The following RTN4 variants were observed in gnomAD, a reference collection of about 807,000 sequenced individuals.
RTN4 encodes the protein reticulon 4.
Under a neutral mutation model 90.4 loss-of-function variants are expected in RTN4, and 32 were observed. The ratio of observed to expected loss-of-function variants is 0.35; its 90% CI spans 0.27 to 0.48. The LOEUF (loss-of-function observed/expected upper bound fraction) is 0.48, where lower values mean the gene tolerates loss of function less well. Ranked by LOEUF, RTN4 falls within the 20% of genes least tolerant of loss-of-function variation. The probability of loss-of-function intolerance (pLI) is 0.99; values close to 1 mark genes in which losing one functional copy is unlikely to be tolerated. For synonymous variants in RTN4, 629 were observed against 552.5 expected (o/e 1.14, Z -1.94); for missense variants, 1,706 against 1,430.2 (o/e 1.19, Z -3.11).
intron 1 of RTN4, among the ~76,000 whole-genome samples, chr2:55,032,607 AAAC>A (rs1682397232): frequency 1.3e-5 from 2 of 152,220 alleles, no homozygotes; most frequent in Non-Finnish European, 1.5e-5. Flanking sequence ...CAAACTTAAA[AAAC>A]AACAACAGAA....
At chr2:55,038,426 A>AG (rs1435730086) in intron 1 of RTN4, among the ~76,000 whole-genome samples, 1 of 152,192 alleles carries the variant, frequency 6.6e-6, no homozygotes, top group Non-Finnish European at 1.5e-5. Flanking sequence ...ACAAATATGT[A>AG]GGAAAAAAAA....
At chr2:55,096,375 T>C (rs1669035206) in intron 1 of RTN4, among the ~76,000 whole-genome samples, 1 of 152,010 alleles carries the variant, frequency 6.6e-6, no homozygotes, top group Non-Finnish European at 1.5e-5. Context: ...TCACTGCTGA[T>C]GCTGACCTTG....
At chr2:55,105,227 G>GTTTTTTT (rs869164590) in intron 1 of RTN4, among the ~76,000 whole-genome samples, 1 of 114,044 alleles carries the variant, frequency 8.8e-6, no homozygotes, top group Admixed American at 8.9e-5. Flanking sequence ...TGCTATTGAA[G>GTTTTTTT]TTTTTTTTTT....
chr2:55,092,915 A>T (rs1235833470), intron 1 of RTN4, among the ~76,000 whole-genome samples: 2 of 152,252 alleles, frequency 1.3e-5, no homozygotes, highest in African/African-American at 4.8e-5. Context: ...TTCTTCACAG[A>T]CATTTTCCCA....
Position 55,027,328 on chromosome 2 carries a change from T to C in RTN4, c.771A>G (p.Thr257=), listed in dbSNP as rs551190916. ...KEHEYLGNLS[T]VLPTEGTLQE... Reference sequence around the variant, plus strand: ...GAAGTGTTCCTTCAGTGGGTAATACTGTTGACAAATTACCAAGGTATTCAT... The same window carrying C: ...GAAGTGTTCCTTCAGTGGGTAATACCGTTGACAAATTACCAAGGTATTCAT... Residue 257 remains threonine, a synonymous_variant, in exon 3 of 9, where the codon ACA becomes ACG. Coordinates refer to ENST00000337526, the MANE Select transcript of RTN4 (RefSeq NM_020532.5). 8.1e-6 allele frequency: 13 copies of C among 1,613,626 alleles called. No individual in the cohort carries two copies. Among genetic ancestry groups the C allele is most frequent in the Admixed American group, 3.3e-5 (2 of 59,936 alleles).
At chr2:55,021,878 A>G (rs1458119020) in intron 3 of RTN4, among the ~76,000 whole-genome samples, 3 of 152,186 alleles carry the variant, frequency 2.0e-5, no homozygotes, top group Non-Finnish European at 4.4e-5. Context: ...ATAATTCTCT[A>G]TTCCCTAGTA....
chr2:55,123,122 T>A, the RTN4 span, among the ~76,000 whole-genome samples: 1 of 152,150 alleles, frequency 6.6e-6, no homozygotes, highest in Non-Finnish European at 1.5e-5. Flanking sequence ...ATAAGCCAAT[T>A]ATTAACCACA....
In RTN4 at chr2:55,050,079, G is replaced by A. The variant is rs372904575; in HGVS notation, c.222C>T (p.Ala74=). Residue 74 remains alanine, a synonymous_variant, in exon 1 of 9, where the codon GCC becomes GCT. Coordinates refer to ENST00000337526, the MANE Select transcript of RTN4 (RefSeq NM_020532.5). This position sits in a 1 kb window ranked among gnomAD's most constrained non-coding sequence, Gnocchi z 4.6. ...SAAPVPTAPA[A]GAPLMDFGND... ...TTCCGAAGTCCATCAGGGGCGCGCC[G>A]GCGGCAGGGGCGGTGGGCACTGGGG... The A allele has an allele frequency of 6.2e-5, 90 of 1,453,606 alleles. No homozygotes were observed. Among genetic ancestry groups the A allele is most frequent in the Non-Finnish European group, 7.8e-5 (86 of 1,108,478 alleles). The allele number at this position is 1,453,606 out of a possible 1,614,324, so 90.0% of individuals were successfully genotyped here.
intron 1 of RTN4, among the ~76,000 whole-genome samples, chr2:55,101,028 T>A (rs1266394094): frequency 6.6e-6 from 1 of 152,062 alleles, no homozygotes; most frequent in Non-Finnish European, 1.5e-5. Flanking sequence ...TAATAGAAAC[T>A]ATTAAGCCAC....
Position 54,973,131 on chromosome 2 carries a change from C to G in RTN4, c.*25G>C, listed in dbSNP as rs755099282. 3.8e-6 allele frequency: 6 copies of G among 1,591,966 alleles called. No individual in the cohort carries two copies. Among genetic ancestry groups the G allele is most frequent in the Non-Finnish European group, 5.2e-6 (6 of 1,161,782 alleles). Reference sequence around the variant, plus strand: ...AATGAATATCCCCTTTAAAGATGAACTCCTACTAATTATTTTGGGCGTTTT... The same window carrying G: ...AATGAATATCCCCTTTAAAGATGAAGTCCTACTAATTATTTTGGGCGTTTT... On this transcript the variant is annotated 3_prime_UTR_variant, in exon 9 of 9. Coordinates refer to ENST00000337526, the MANE Select transcript of RTN4 (RefSeq NM_020532.5).
At chr2:55,086,843 G>A (rs932957806) in intron 1 of RTN4, among the ~76,000 whole-genome samples, 1 of 60,184 alleles carries the variant, frequency 1.7e-5, no homozygotes, top group Non-Finnish European at 3.5e-5. Flanking sequence ...TTTTTTTTTT[G>A]TAGACGATTT....
At chr2:55,024,601 G>C (rs528428356) in intron 3 of RTN4, among the ~76,000 whole-genome samples, 11 of 152,076 alleles carry the variant, frequency 7.2e-5, no homozygotes, top group Non-Finnish European at 1.6e-4. Flanking sequence ...TCAACAAAAT[G>C]TCTACACTCA....
At chr2:54,973,785 C>T in intron 7 of RTN4, 36 bp downstream of exon 7, 1 of 1,592,880 alleles carries the variant, frequency 6.3e-7, no homozygotes, top group Middle Eastern at 1.7e-4. Context: ...AGAGTGAGTG[C>T]TCTATTCTGA....
chr2:55,085,770 C>A (rs1668825949), intron 1 of RTN4, among the ~76,000 whole-genome samples: 1 of 152,168 alleles, frequency 6.6e-6, no homozygotes, highest in African/African-American at 2.4e-5. Context: ...CTTTGATAAA[C>A]ATTATTGAAG....
upstream of RTN4, among the ~76,000 whole-genome samples, chr2:55,054,420 C>T (rs925297815): frequency 6.6e-6 from 1 of 152,240 alleles, no homozygotes; most frequent in African/African-American, 2.4e-5. Flanking sequence ...CAGACACAAA[C>T]GTGCTTGCAT....
chr2:55,128,689 T>C, the RTN4 span, among the ~76,000 whole-genome samples: 1 of 151,274 alleles, frequency 6.6e-6, no homozygotes, highest in Non-Finnish European at 1.5e-5. Flanking sequence ...ATGAAAGATA[T>C]AGGCAAAGTT....
chr2:55,020,310 C>G (rs2104833183), intron 3 of RTN4, among the ~76,000 whole-genome samples: 1 of 152,068 alleles, frequency 6.6e-6, no homozygotes, highest in South Asian at 2.1e-4. Context: ...TACTACACAG[C>G]TATAGTAACC....
At chr2:55,088,003 G>C (rs2920863) in intron 1 of RTN4, among the ~76,000 whole-genome samples, 137,503 of 152,310 alleles carry the variant, frequency 0.9, 62,126 homozygotes, top group Middle Eastern at 0.94. Context: ...AGCTGTGGTT[G>C]TGGAACCTTA....
In RTN4 at chr2:55,032,905, G is replaced by A. The variant is rs146984598; in HGVS notation, c.557-4685C>T. On this transcript the variant is annotated intron_variant, in intron 1 of 8. Coordinates refer to ENST00000337526, the MANE Select transcript of RTN4 (RefSeq NM_020532.5). ...TTAGCCGGTGTAGTGGTGCACACGT[G>A]CAGTTCTAGCAACTCAGGAGGCTGA... 9.6e-4 allele frequency among the ~76,000 whole-genome samples: 146 copies of A among 152,056 alleles called. 1 individual carries two copies. Among genetic ancestry groups the A allele is most frequent in the African/African-American group, 3.1e-3 (130 of 41,484 alleles).
Sources: allele counts gnomAD v4.1 joint callset (sites outside exome capture counted in the v4.1 genomes callset), GRCh38; gene constraint gnomAD v4.1.1; non-coding constraint Gnocchi (gnomAD v3.1); transcripts MANE v1.5; gene names NCBI Gene and HGNC (gene_info 2026-07-23, HGNC 2026-07-21).